The following CNTNAP5 variants were observed in gnomAD, a reference collection of about 807,000 sequenced individuals.
CNTNAP5 encodes the protein contactin associated protein family member 5, also known as contactin-associated protein-like 5.
CNTNAP5 carries 72 observed loss-of-function variants against 150.2 expected under a neutral mutation model. The observed-to-expected ratio is 0.48, with a 90% CI of 0.40 to 0.58. The LOEUF is 0.58. CNTNAP5 is among the 20% of genes least tolerant of loss of function. CNTNAP5 has a pLI of 0.00. For synonymous variants in CNTNAP5, 672 were observed against 619.8 expected (o/e 1.08, Z -1.25); for missense variants, 1,636 against 1,626.2 (o/e 1.01, Z -0.10).
chr2:124,777,523 C>G (rs1171287007), intron 17 of CNTNAP5, among the ~76,000 whole-genome samples: 30 of 152,066 alleles, frequency 2.0e-4, no homozygotes, highest in Admixed American at 1.8e-3. Context: ...GCTGGGGTTA[C>G]AGGTTCATGC....
chr2:124,357,981 C>A (rs1573938868), intron 3 of CNTNAP5, among the ~76,000 whole-genome samples: 2 of 149,356 alleles, frequency 1.3e-5, no homozygotes, highest in East Asian at 2.0e-4. Context: ...CTTTTATTTC[C>A]TTGAGCAGTG....
intron 13 of CNTNAP5, among the ~76,000 whole-genome samples, chr2:124,730,996 T>C (rs930820582): frequency 7.9e-5 from 12 of 152,134 alleles, no homozygotes; most frequent in Non-Finnish European, 1.8e-4. Flanking sequence ...CTTCATATTT[T>C]ATTCATTAGA....
intron 13 of CNTNAP5, among the ~76,000 whole-genome samples, chr2:124,737,057 C>G (rs1444839956): frequency 6.6e-6 from 1 of 152,092 alleles, no homozygotes; most frequent in Non-Finnish European, 1.5e-5. Flanking sequence ...CTTTGGGAGG[C>G]TGAGGCAGGT....
At chr2:124,491,342 A>C (rs1219325578) in intron 7 of CNTNAP5, among the ~76,000 whole-genome samples, 1 of 151,946 alleles carries the variant, frequency 6.6e-6, no homozygotes, top group Non-Finnish European at 1.5e-5. Flanking sequence ...TGACCTCCTG[A>C]TTTATTCATG....
intron 4 of CNTNAP5, among the ~76,000 whole-genome samples, chr2:124,430,079 G>A (rs576296649): frequency 2.6e-5 from 4 of 152,206 alleles, no homozygotes; most frequent in Admixed American, 2.6e-4. Context: ...CCAATTGCGA[G>A]GTGCATTATG....
chr2:124,877,050 A>T (rs986433824), intron 21 of CNTNAP5, among the ~76,000 whole-genome samples: 1 of 152,128 alleles, frequency 6.6e-6, no homozygotes, highest in Non-Finnish European at 1.5e-5. Flanking sequence ...TCCTTTAACA[A>T]TAACAAGTTA....
chr2:124,694,636 G>T (rs1055505346), intron 13 of CNTNAP5, among the ~76,000 whole-genome samples: 3 of 152,182 alleles, frequency 2.0e-5, no homozygotes, highest in African/African-American at 7.2e-5. Context: ...AAATGTGAAT[G>T]TGTCTAGATA....
intron 13 of CNTNAP5, among the ~76,000 whole-genome samples, chr2:124,679,869 T>C (rs765787527): frequency 2.6e-5 from 4 of 151,830 alleles, no homozygotes; most frequent in African/African-American, 9.7e-5. Flanking sequence ...TGGCCTCATA[T>C]CTTATTACGG....
chr2:124,035,287 CT>C (rs1314145696), intron 1 of CNTNAP5, among the ~76,000 whole-genome samples: 3 of 152,072 alleles, frequency 2.0e-5, no homozygotes, highest in Non-Finnish European at 2.9e-5. Context: ...TCTTTTCCCC[CT>C]GCTCCTTTAT....
chr2:124,427,268 G>T (rs1012102700), intron 4 of CNTNAP5, among the ~76,000 whole-genome samples: 1 of 152,042 alleles, frequency 6.6e-6, no homozygotes, highest in African/African-American at 2.4e-5. Flanking sequence ...GGTAACGGGG[G>T]TAGGTAGCCA....
At chr2:124,166,928 G>A (rs754567817) in intron 1 of CNTNAP5, among the ~76,000 whole-genome samples, 22 of 152,014 alleles carry the variant, frequency 1.4e-4, no homozygotes, top group Non-Finnish European at 2.5e-4. Context: ...TATATCTAAG[G>A]CCTCTGCCCA....
At chr2:124,845,802 C>A (rs1187964738) in intron 19 of CNTNAP5, among the ~76,000 whole-genome samples, 1 of 151,948 alleles carries the variant, frequency 6.6e-6, no homozygotes. Flanking sequence ...CTTTAATAAT[C>A]TTTTGTATTT....
At chr2:124,234,759 T>C (rs1686706343) in intron 2 of CNTNAP5, among the ~76,000 whole-genome samples, 1 of 152,124 alleles carries the variant, frequency 6.6e-6, no homozygotes, top group South Asian at 2.1e-4. Flanking sequence ...AGGGCCTTGA[T>C]TGCTCCATTT....
chr2:124,082,348 C>CAAAAAA (rs56285830), intron 1 of CNTNAP5, among the ~76,000 whole-genome samples: 1 of 73,602 alleles, frequency 1.4e-5, no homozygotes, highest in Non-Finnish European at 2.5e-5. Context: ...GACTCTCTCT[C>CAAAAAA]AAAAAAAAAA....
At chr2:124,868,278 G>A (rs565671027) in intron 20 of CNTNAP5, among the ~76,000 whole-genome samples, 1 of 152,152 alleles carries the variant, frequency 6.6e-6, no homozygotes, top group African/African-American at 2.4e-5. Context: ...GTCTTCCAGT[G>A]GCTTATAAGG....
At chr2:124,764,341 C>A (rs1490835581) in intron 16 of CNTNAP5, among the ~76,000 whole-genome samples, 194 bp downstream of exon 16, 1 of 152,008 alleles carries the variant, frequency 6.6e-6, no homozygotes, top group Non-Finnish European at 1.5e-5. Context: ...TTTAATCAGT[C>A]ATTCTCTTAT....
At chr2:124,280,326 C>T (rs1211094188) in intron 3 of CNTNAP5, among the ~76,000 whole-genome samples, 1 of 151,980 alleles carries the variant, frequency 6.6e-6, no homozygotes, top group Non-Finnish European at 1.5e-5. Context: ...CATCACCATG[C>T]CCAGATAATT....
intron 3 of CNTNAP5, among the ~76,000 whole-genome samples, chr2:124,279,245 G>C (rs1344202670): frequency 3.3e-5 from 5 of 149,612 alleles, no homozygotes; most frequent in African/African-American, 1.3e-4. Context: ...GTGTGTGTGT[G>C]TGTCTGTGTG....
chr2:124,555,480 A>G (rs7601716), intron 10 of CNTNAP5, among the ~76,000 whole-genome samples: 74,625 of 152,044 alleles, frequency 0.49, 18,666 homozygotes, highest in East Asian at 0.71. Flanking sequence ...ACCAAATATG[A>G]ATCCTCAATG....
Sources: allele counts gnomAD v4.1 joint callset (sites outside exome capture counted in the v4.1 genomes callset), GRCh38; gene constraint gnomAD v4.1.1; transcripts MANE v1.5; gene names NCBI Gene and HGNC (gene_info 2026-07-23, HGNC 2026-07-21).